Variants in BRCA1 observed in about 807,000 individuals in gnomAD.
The protein encoded by BRCA1 is BRCA1 DNA repair associated, also known as breast cancer type 1 susceptibility protein.
In BRCA1, 140 loss-of-function variants were observed where a neutral mutation model predicts 173.7. The ratio of observed to expected loss-of-function variants is 0.81; its 90% CI spans 0.70 to 0.93. The LOEUF is 0.93. Ranked by LOEUF, BRCA1 falls within the 40% of genes least tolerant of loss-of-function variation. BRCA1 has a pLI of 0.00. For synonymous variants in BRCA1, 662 were observed against 756.0 expected (o/e 0.88, Z 2.04); for missense variants, 1,983 against 2,172.5 (o/e 0.91, Z 1.73).
intron 1 of BRCA1, among the ~76,000 whole-genome samples, chr17:43,133,926 C>T (rs1422661837): frequency 1.3e-4 from 20 of 152,302 alleles, no homozygotes; most frequent in Middle Eastern, 3.4e-3. Context: ...TGAGCCACCA[C>T]GCCCAGCCTC....
rs1160975175 is a variant in BRCA1 at position 43,061,133 on chromosome 17, C to T, written c.5193+2200G>A. Among the ~76,000 whole-genome samples, 6 of 151,950 alleles carry T rather than the reference C, an allele frequency of 3.9e-5. No homozygotes were observed. The East Asian group carries it at 1.2e-3, about 29-fold the overall frequency. On this transcript the variant is annotated intron_variant, in intron 18 of 22. Transcript: ENST00000357654. The stretch of plus-strand genomic sequence containing the variant: ...AGAGGGAGACACCATCTCAAAAAAA[C>T]CAAAATACAGAAATCAAAAAACCAC...
Position 43,096,376 on chromosome 17 carries a change from C to CAAAAAA in BRCA1, c.594-460_594-455dup, listed in dbSNP as rs71160005. Among the ~76,000 whole-genome samples the CAAAAAA allele has an allele frequency of 1.6e-4, 12 of 74,220 alleles. 1 individual carries two copies. Among genetic ancestry groups the CAAAAAA allele is most frequent in the East Asian group, 4.2e-4 (1 of 2,358 alleles). The allele number at this position is 74,220 out of a possible 152,430, so 48.7% of individuals were successfully genotyped here. On this transcript the variant is annotated intron_variant, in intron 8 of 22. Transcript: ENST00000357654. ...TGGGCAACAGAGCAAGACTCTGTCT[C>CAAAAAA]AAAAAAAAAAAAAAAAAAGAGAGAA...
At chr17:43,122,296 T>C (rs2055614388) in intron 2 of BRCA1, among the ~76,000 whole-genome samples, 1 of 152,336 alleles carries the variant, frequency 6.6e-6, no homozygotes, top group South Asian at 2.1e-4. Context: ...CTACTAACCA[T>C]CACCATATTT....
At chr17:43,128,846 C>T (rs1404777423), upstream of BRCA1, among the ~76,000 whole-genome samples, 2 of 146,676 alleles carry the variant, frequency 1.4e-5, no homozygotes, top group South Asian at 2.1e-4. Flanking sequence ...GACAAAGTCT[C>T]GCTTTCTCAA....
chr17:43,170,041 C>A, intron 1 of BRCA1: 1 of 428,830 alleles, frequency 2.3e-6, no homozygotes, highest in Non-Finnish European at 4.7e-6. Flanking sequence ...AGAATGAGGG[C>A]AGAGTAGATG....
chr17:43,122,037 A>G (rs557870937), intron 2 of BRCA1, among the ~76,000 whole-genome samples: 24 of 152,172 alleles, frequency 1.6e-4, no homozygotes, highest in Non-Finnish European at 3.2e-4. Context: ...ATTTTCAATA[A>G]ATTGATAAAT....
chr17:43,115,363 A>G (rs1476364761), intron 3 of BRCA1, among the ~76,000 whole-genome samples: 1 of 152,050 alleles, frequency 6.6e-6, no homozygotes, highest in Non-Finnish European at 1.5e-5. Flanking sequence ...TTAGCCAAGC[A>G]TGGTGGCGGG....
chr17:43,056,554 C>A (rs1441388720), intron 19 of BRCA1, among the ~76,000 whole-genome samples: 1 of 152,052 alleles, frequency 6.6e-6, no homozygotes, highest in African/African-American at 2.4e-5. Flanking sequence ...CTTGGGGAGG[C>A]CAAGGCGGGA....
chr17:43,098,082 T>A (rs1452200191), intron 7 of BRCA1, among the ~76,000 whole-genome samples: 1 of 150,060 alleles, frequency 6.7e-6, no homozygotes, highest in East Asian at 2.0e-4. Context: ...TGGAGTGCAG[T>A]GGCATGATCA....
chr17:43,083,082 A>G (rs971011280), intron 11 of BRCA1, among the ~76,000 whole-genome samples: 5 of 152,110 alleles, frequency 3.3e-5, no homozygotes, highest in Admixed American at 3.3e-4. Flanking sequence ...ACAAATATAA[A>G]AATACTATCA....
At chr17:43,130,612 C>G (rs1437608085) in intron 1 of BRCA1, among the ~76,000 whole-genome samples, 8 of 152,112 alleles carry the variant, frequency 5.3e-5, no homozygotes, top group Admixed American at 5.2e-4. Flanking sequence ...CTGTGCCTGG[C>G]CTGTATTATA....
upstream of BRCA1, among the ~76,000 whole-genome samples, chr17:43,127,226 C>T (rs949094612): frequency 1.1e-4 from 17 of 152,204 alleles, no homozygotes; most frequent in Admixed American, 1.3e-4. Context: ...CACAGCCCTG[C>T]GCAGGATCCA....
intron 1 of BRCA1, 160 bp downstream of exon 1, chr17:43,125,111 T>TCCCCCCCCCCCCCCCCCCCCCACCCC: frequency 2.4e-6 from 1 of 423,314 alleles, no homozygotes; most frequent in Non-Finnish European, 4.7e-6. Flanking sequence ...ACCTACAAAC[T>TCCCCCCCCCCCCCCCCCCCCCACCCC]GCCCCCCTCC....
At chr17:43,169,581 C>T (rs777846329) in intron 1 of BRCA1, among the ~76,000 whole-genome samples, 3 of 152,140 alleles carry the variant, frequency 2.0e-5, no homozygotes, top group Non-Finnish European at 2.9e-5. Context: ...GTGCTTCCCT[C>T]GAGACCTACA....
intron 1 of BRCA1, chr17:43,159,494 A>AGG (rs1027916716): frequency 4.2e-4 from 73 of 175,506 alleles, no homozygotes; most frequent in Non-Finnish European, 7.3e-4. Flanking sequence ...TGCCAGGCGG[A>AGG]GGGGCTCCTC....
intron 19 of BRCA1, among the ~76,000 whole-genome samples, chr17:43,052,900 G>A (rs1472239028): frequency 2.1e-5 from 3 of 143,350 alleles, no homozygotes; most frequent in African/African-American, 2.7e-5. Flanking sequence ...TTTTTGAGAC[G>A]CAGTCTTGCA....
At chr17:43,136,338 G>A (rs529568729) in intron 1 of BRCA1, among the ~76,000 whole-genome samples, 2 of 152,232 alleles carry the variant, frequency 1.3e-5, no homozygotes, top group African/African-American at 4.8e-5. Flanking sequence ...AACCCTAAAA[G>A]AAAACCTAGG....
chr17:43,096,376 C>CAAAAAAAAAAAAAAA (rs71160005), intron 8 of BRCA1, among the ~76,000 whole-genome samples: 4 of 74,224 alleles, frequency 5.4e-5, no homozygotes, highest in African/African-American at 9.8e-5. Flanking sequence ...GACTCTGTCT[C>CAAAAAAAAAAAAAAA]AAAAAAAAAA....
intron 1 of BRCA1, chr17:43,139,729 C>T: frequency 2.6e-6 from 1 of 385,592 alleles, no homozygotes; most frequent in Non-Finnish European, 5.2e-6. Context: ...GTCTGTTGTT[C>T]CCTTCTTTGT....
Sources: gnomAD v4.1 joint callset for allele counts (sites outside exome capture counted in the v4.1 genomes callset) on GRCh38, gnomAD v4.1.1 for gene constraint, MANE v1.5 for transcripts, NCBI Gene and HGNC (gene_info 2026-07-23, HGNC 2026-07-21) for gene names.